Variants in SYNPO observed in about 807,000 individuals in gnomAD.
The protein encoded by SYNPO is synaptopodin.
Under a neutral mutation model 49.5 loss-of-function variants are expected in SYNPO, and 19 were observed. The observed-to-expected ratio is 0.38, with a 90% CI of 0.27 to 0.56. SYNPO has a LOEUF of 0.56. Among genes scored for constraint, SYNPO ranks in the 20% least tolerant of loss-of-function variants. The pLI, the probability that SYNPO is intolerant of heterozygous loss-of-function variation, is 0.68. For missense variants in SYNPO, 1,131 were observed against 1,248.3 expected, an observed-to-expected ratio of 0.91 and a Z score of 1.42; for synonymous variants, 536 against 548.0, an observed-to-expected ratio of 0.98 and a Z score of 0.31.
chr5:150,625,681 G>A (rs547766200), intron 2 of SYNPO, among the ~76,000 whole-genome samples: 2 of 152,344 alleles, frequency 1.3e-5, no homozygotes, highest in East Asian at 1.9e-4. Context: ...GGAATCAGGG[G>A]CACTGTCCAG....
At chr5:150,634,622 C>T (rs188212448) in intron 2 of SYNPO, among the ~76,000 whole-genome samples, 132 of 152,164 alleles carry the variant, frequency 8.7e-4, no homozygotes, top group Admixed American at 2.0e-3. Flanking sequence ...AGTTTGAGAC[C>T]AGCCTGGGCA....
chr5:150,641,789 G>A (rs1757919381), intron 1 of SYNPO, among the ~76,000 whole-genome samples: 1 of 152,230 alleles, frequency 6.6e-6, no homozygotes, highest in African/African-American at 2.4e-5. Flanking sequence ...AGGAAGAAGT[G>A]GAAGAAAGAA....
intron 2 of SYNPO, among the ~76,000 whole-genome samples, chr5:150,628,160 C>A (rs771914974): frequency 6.6e-6 from 1 of 152,052 alleles, no homozygotes; most frequent in African/African-American, 2.4e-5. Context: ...AGCCTGTAGG[C>A]CCTGTAATTC....
At chr5:150,602,464 A>T (rs1051603982) in intron 1 of SYNPO, among the ~76,000 whole-genome samples, 1 of 152,168 alleles carries the variant, frequency 6.6e-6, no homozygotes, top group African/African-American at 2.4e-5. Flanking sequence ...AAGGTGTCTA[A>T]ATAGCATATC....
chr5:150,629,240 T>C (rs994461032), intron 2 of SYNPO, among the ~76,000 whole-genome samples: 1 of 152,200 alleles, frequency 6.6e-6, no homozygotes, highest in Non-Finnish European at 1.5e-5. Context: ...CTTGAACTCC[T>C]GGGCTCAAGT....
chr5:150,640,993 T>A, intron 1 of SYNPO, 139 bp downstream of exon 1: 1 of 374,808 alleles, frequency 2.7e-6, no homozygotes. Context: ...AGCCTGTGAG[T>A]GGTGAGGCGG....
intron 1 of SYNPO, among the ~76,000 whole-genome samples, chr5:150,613,248 C>T (rs979587906): frequency 6.6e-6 from 1 of 152,168 alleles, no homozygotes; most frequent in Non-Finnish European, 1.5e-5. Flanking sequence ...GCAGTCATTT[C>T]CCCCAACCGT....
chr5:150,619,654 C>A, intron 2 of SYNPO, among the ~76,000 whole-genome samples: 1 of 152,094 alleles, frequency 6.6e-6, no homozygotes, highest in East Asian at 1.9e-4. Flanking sequence ...AAGCAGGAGC[C>A]GCAGCCAGTA....
upstream of SYNPO, among the ~76,000 whole-genome samples, chr5:150,597,887 C>T (rs1561627046): frequency 6.6e-6 from 1 of 152,178 alleles, no homozygotes; most frequent in Non-Finnish European, 1.5e-5. Flanking sequence ...ATCGGCCCAC[C>T]TCAGCCTCCC....
chr5:150,611,920 G>A (rs895960556), intron 1 of SYNPO, among the ~76,000 whole-genome samples: 3 of 152,204 alleles, frequency 2.0e-5, no homozygotes, highest in African/African-American at 7.2e-5. Flanking sequence ...ACTGAGGCCT[G>A]GTAAAAGAAA....
At position 150,649,907 on chromosome 5, in the gene SYNPO, C is replaced by A; in HGVS notation, c.1632C>A (p.Leu544=). The change falls in exon 2 of 3, where the codon CTC becomes CTA. Residue 544 remains leucine (L), a synonymous_variant. Coordinates refer to ENST00000307662, the MANE Select transcript of SYNPO (RefSeq NM_007286.6). ...CAGCCCGGACCCCGCCTGCCTCCCT[C>A]TACCATGGCTACCTGCCTGAGAACG... ...RSPARTPPAS[L]YHGYLPENGV... 6.2e-7 allele frequency: 1 copy of A among 1,611,520 alleles called. No individual in the cohort carries two copies. The highest frequency in any genetic ancestry group is 8.5e-7 in the Non-Finnish European group (1 of 1,180,000).
At chr5:150,638,067 G>T (rs562658415), upstream of SYNPO, among the ~76,000 whole-genome samples, 1 of 151,716 alleles carries the variant, frequency 6.6e-6, no homozygotes, top group African/African-American at 2.4e-5. Context: ...TTTCTATTCA[G>T]CTGGTCTTGA....
chr5:150,593,060 A>G, the SYNPO span, among the ~76,000 whole-genome samples: 33 of 152,260 alleles, frequency 2.2e-4, no homozygotes, highest in African/African-American at 8.0e-4. Context: ...GTCCCGGGAC[A>G]GTCCTTCAGA....
In SYNPO at chr5:150,648,752, G is replaced by C. The variant is rs1284986022; in HGVS notation, c.477G>C (p.Lys159Asn). ...EVRCSTLLIDKVSTPATTTST... is the reference protein window; with the variant it reads ...EVRCSTLLIDNVSTPATTTST... ...GATGCAGCACACTCCTAATTGACAA[G>C]GTATCAACTCCAGCTACCACCACCA... The change falls in exon 2 of 3, where the codon AAG (lysine) becomes AAC (asparagine). Residue 159 changes from lysine to asparagine, a missense_variant. Around this residue, in one of 4 missense-constraint regions of SYNPO, gnomAD observed 602 missense variants for 720.7 expected, o/e 0.84. Coordinates refer to ENST00000307662, the MANE Select transcript of SYNPO (RefSeq NM_007286.6). This position sits in a 1 kb window ranked among gnomAD's most constrained non-coding sequence, Gnocchi z 5.0. The C allele has an allele frequency of 6.2e-7, 1 of 1,614,176 alleles. No individual in the cohort carries two copies. The highest frequency in any genetic ancestry group is 1.3e-5 in the African/African-American group (1 of 75,048).
chr5:150,618,955 C>A (rs1314252134), intron 2 of SYNPO, among the ~76,000 whole-genome samples: 1 of 152,042 alleles, frequency 6.6e-6, no homozygotes, highest in Non-Finnish European at 1.5e-5. Flanking sequence ...TCCAGCTGCA[C>A]CACATCTAAC....
chr5:150,586,959 C>G, the SYNPO span, among the ~76,000 whole-genome samples: 1 of 151,520 alleles, frequency 6.6e-6, no homozygotes, highest in African/African-American at 2.4e-5. Flanking sequence ...TATATGGATG[C>G]ACGGATGAGT....
intron 1 of SYNPO, among the ~76,000 whole-genome samples, chr5:150,613,222 T>C (rs10074935): frequency 0.17 from 26,433 of 152,090 alleles, 6,128 homozygotes; most frequent in African/African-American, 0.53. Context: ...AACCCAAACC[T>C]ACAGAGCTGG....
chr5:150,595,385 A>C, the SYNPO span, among the ~76,000 whole-genome samples: 1 of 152,252 alleles, frequency 6.6e-6, no homozygotes, highest in Non-Finnish European at 1.5e-5. Flanking sequence ...TCTTCCCTGA[A>C]GGGAAACAGA....
At chr5:150,604,049 G>A (rs1428804434) in intron 1 of SYNPO, among the ~76,000 whole-genome samples, 1 of 152,196 alleles carries the variant, frequency 6.6e-6, no homozygotes, top group Non-Finnish European at 1.5e-5. Context: ...AAACCCTGGG[G>A]AAGCTGCTGG....
Sources: gnomAD v4.1 joint callset for allele counts (sites outside exome capture counted in the v4.1 genomes callset) on GRCh38, gnomAD v4.1.1 for gene constraint, gnomAD v4.1.1 regional missense constraint, Gnocchi (gnomAD v3.1) non-coding constraint, MANE v1.5 for transcripts, NCBI Gene and HGNC (gene_info 2026-07-23, HGNC 2026-07-21) for gene names.